The following FRMD4B variants were observed in gnomAD, a reference collection of about 807,000 sequenced individuals.
FRMD4B encodes the protein FERM domain containing 4B, also known as FERM domain-containing protein 4B.
Under a neutral mutation model 141.5 loss-of-function variants are expected in FRMD4B, and 74 were observed. That is an observed-to-expected ratio of 0.52 (90% CI 0.43 to 0.63). The LOEUF is 0.63. FRMD4B is among the 30% of genes least tolerant of loss of function. The pLI is 0.00. For missense variants in FRMD4B, 1,366 were observed against 1,253.4 expected (o/e 1.09, Z -1.36); for synonymous variants, 506 against 467.9 (o/e 1.08, Z -1.05).
At chr3:69,351,921 G>C (rs1294335834) in intron 1 of FRMD4B, among the ~76,000 whole-genome samples, 1 of 152,126 alleles carries the variant, frequency 6.6e-6, no homozygotes, top group Non-Finnish European at 1.5e-5. Context: ...AATAATATTT[G>C]TCCACCACCC....
intron 21 of FRMD4B, among the ~76,000 whole-genome samples, chr3:69,177,416 A>T (rs1394400349): frequency 6.6e-6 from 1 of 152,124 alleles, no homozygotes; most frequent in East Asian, 1.9e-4. Context: ...TTGGGAAGTC[A>T]AGGTGGGAGT....
intron 1 of FRMD4B, among the ~76,000 whole-genome samples, chr3:69,441,045 T>G (rs1705333790): frequency 1.3e-5 from 2 of 152,350 alleles, no homozygotes; most frequent in Admixed American, 6.5e-5. Flanking sequence ...CTGAGTGGTT[T>G]TGAGCTCTGG....
intron 4 of FRMD4B, among the ~76,000 whole-genome samples, chr3:69,291,902 A>C (rs1360747852): frequency 7.0e-6 from 1 of 142,458 alleles, no homozygotes; most frequent in African/African-American, 2.6e-5. Context: ...AGTGCTCTAC[A>C]GGAATCTCTT....
chr3:69,331,460 G>A (rs1206912261), intron 1 of FRMD4B, among the ~76,000 whole-genome samples: 1 of 152,184 alleles, frequency 6.6e-6, no homozygotes, highest in Non-Finnish European at 1.5e-5. Flanking sequence ...AGTAGCTGCT[G>A]TAAAATGGAG....
chr3:69,175,906 G>A (rs556198002), intron 22 of FRMD4B, among the ~76,000 whole-genome samples: 2 of 150,808 alleles, frequency 1.3e-5, no homozygotes, highest in South Asian at 2.1e-4. Flanking sequence ...TCAGCCTCCC[G>A]AGTAGCTGGG....
intron 1 of FRMD4B, among the ~76,000 whole-genome samples, chr3:69,365,686 C>T (rs894377555): frequency 3.3e-5 from 5 of 151,870 alleles, no homozygotes; most frequent in South Asian, 2.1e-4. Context: ...TTATTACAGA[C>T]GGGGCTTCAC....
Position 69,242,994 on chromosome 3 carries a change from C to CAA in FRMD4B, c.581+6230_581+6231dup, listed in dbSNP as rs34623002. Among the ~76,000 whole-genome samples, 827 of 111,304 alleles carry CAA rather than the reference C, an allele frequency of 7.4e-3. 6 individuals are homozygous for CAA. The highest frequency in any genetic ancestry group is 0.018 in the South Asian group (60 of 3,288). 73.0% of individuals were successfully genotyped at this position (111,304 alleles called of 152,430 possible). On this transcript the variant is annotated intron_variant, in intron 7 of 22. Transcript: ENST00000398540. ...GGGCAACGAGAGTGAAACTCTGTCTCAAAAAAAAAAAAAAAAAAGCTTTGC... is the reference window on the plus strand; with the variant it reads ...GGGCAACGAGAGTGAAACTCTGTCTCAAAAAAAAAAAAAAAAAAAAGCTTTGC...
At chr3:69,499,349 TA>T (rs1473425405) in intron 1 of FRMD4B, among the ~76,000 whole-genome samples, 1 of 152,112 alleles carries the variant, frequency 6.6e-6, no homozygotes, top group African/African-American at 2.4e-5. Context: ...GTGGATTAGG[TA>T]GAAGCACAGA....
At chr3:69,251,839 T>C (rs1361965824) in intron 5 of FRMD4B, among the ~76,000 whole-genome samples, 1 of 152,134 alleles carries the variant, frequency 6.6e-6, no homozygotes, top group Non-Finnish European at 1.5e-5. Context: ...GAGGTGGGTG[T>C]TGATAAAGAT....
At chr3:69,446,610 G>A (rs936786370) in intron 1 of FRMD4B, among the ~76,000 whole-genome samples, 5 of 152,168 alleles carry the variant, frequency 3.3e-5, no homozygotes, top group South Asian at 4.1e-4. Flanking sequence ...GATTACAGGC[G>A]TGAGTCACCC....
intron 3 of FRMD4B, among the ~76,000 whole-genome samples, chr3:69,309,988 G>A (rs201250573): frequency 1.3e-5 from 2 of 152,094 alleles, no homozygotes; most frequent in East Asian, 3.9e-4. Flanking sequence ...TATGCATGTC[G>A]GCATTTCCCA....
At chr3:69,310,697 G>A (rs1701557801) in intron 3 of FRMD4B, among the ~76,000 whole-genome samples, 1 of 151,466 alleles carries the variant, frequency 6.6e-6, no homozygotes, top group South Asian at 2.1e-4. Context: ...GTTTTGGGGA[G>A]CATATATATT....
At chr3:69,358,628 C>T (rs181185557) in intron 1 of FRMD4B, among the ~76,000 whole-genome samples, 86 of 152,208 alleles carry the variant, frequency 5.7e-4, no homozygotes, top group Admixed American at 3.6e-3. Context: ...CCCAGATACT[C>T]AGGAGGCTGA....
chr3:69,476,944 A>C (rs368567064), intron 1 of FRMD4B, among the ~76,000 whole-genome samples: 2 of 151,884 alleles, frequency 1.3e-5, no homozygotes, highest in African/African-American at 4.8e-5. Flanking sequence ...GGATTCCTAG[A>C]TATTTTATTC....
chr3:69,186,273 T>A (rs2092766756), intron 19 of FRMD4B, among the ~76,000 whole-genome samples: 1 of 141,416 alleles, frequency 7.1e-6, no homozygotes, highest in South Asian at 2.3e-4. Flanking sequence ...TGAGACAGCA[T>A]CTTGCTCTGT....
intron 5 of FRMD4B, among the ~76,000 whole-genome samples, chr3:69,275,457 T>TG (rs2093613617): frequency 1.3e-5 from 2 of 151,038 alleles, no homozygotes; most frequent in South Asian, 2.1e-4. Flanking sequence ...TTTTTTTTTT[T>TG]GAGACAAGTT....
At chr3:69,381,316 ATGT>A (rs997225660) in intron 1 of FRMD4B, among the ~76,000 whole-genome samples, 2 of 152,212 alleles carry the variant, frequency 1.3e-5, no homozygotes. Flanking sequence ...CCTGACAATA[ATGT>A]TGTTGGCAAA....
At chr3:69,270,569 C>CTTTTTTTTTT (rs57693333) in intron 5 of FRMD4B, among the ~76,000 whole-genome samples, 55 of 144,802 alleles carry the variant, frequency 3.8e-4, no homozygotes, top group East Asian at 1.0e-3. Flanking sequence ...TTCTTTTTTT[C>CTTTTTTTTTT]TTTTTTTTTT....
At chr3:69,242,695 GA>G (rs534090647) in intron 7 of FRMD4B, among the ~76,000 whole-genome samples, 155 of 124,582 alleles carry the variant, frequency 1.2e-3, no homozygotes, top group East Asian at 1.4e-3. Flanking sequence ...AAAATCTTAG[GA>G]AAAAAAAAAA....
Sources: allele counts gnomAD v4.1 joint callset (sites outside exome capture counted in the v4.1 genomes callset), GRCh38; gene constraint gnomAD v4.1.1; transcripts MANE v1.5; gene names NCBI Gene and HGNC (gene_info 2026-07-23, HGNC 2026-07-21).